Variants in ADIPOR2 observed in about 807,000 individuals in gnomAD.
ADIPOR2 encodes the protein adiponectin receptor 2, also known as adiponectin receptor protein 2.
In ADIPOR2, 18 loss-of-function variants were observed where a neutral mutation model predicts 40.9. That is an observed-to-expected ratio of 0.44 (90% CI 0.30 to 0.65). The LOEUF (loss-of-function observed/expected upper bound fraction) is 0.65, where lower values mean the gene tolerates loss of function less well. Among genes scored for constraint, ADIPOR2 ranks in the 30% least tolerant of loss-of-function variants. ADIPOR2 has a pLI of 0.09. For synonymous variants in ADIPOR2, 165 were observed against 166.4 expected (o/e 0.99, Z 0.06); for missense variants, 283 against 479.2 (o/e 0.59, Z 3.82).
intron 1 of ADIPOR2, among the ~76,000 whole-genome samples, chr12:1,729,330 T>C (rs1274952972): frequency 6.6e-6 from 1 of 152,062 alleles, no homozygotes; most frequent in African/African-American, 2.4e-5. Flanking sequence ...CATAACTTTT[T>C]ATTGTTAAAG....
intron 1 of ADIPOR2, among the ~76,000 whole-genome samples, chr12:1,702,079 G>A (rs146289137): frequency 0.012 from 1,828 of 152,212 alleles, 43 homozygotes; most frequent in African/African-American, 0.042. Context: ...CCGAGATCAC[G>A]CCATTGCACT....
At chr12:1,779,988 T>C (rs1862681279) in intron 4 of ADIPOR2, among the ~76,000 whole-genome samples, 1 of 152,232 alleles carries the variant, frequency 6.6e-6, no homozygotes, top group African/African-American at 2.4e-5. Context: ...TGACACTCCC[T>C]GACAGCTATT....
rs1862559218 is a variant in ADIPOR2 at position 1,774,953 on chromosome 12, TCGGCC to T, written c.291+1993_291+1997del. On this transcript the variant is annotated intron_variant, in intron 3 of 7. Transcript: ENST00000357103. ...CTCCTGACCTCGTGATCTGCCCGCC[TCGGCC>T]TCCCATAGTGCTGGGATTACAGGCA... Among the ~76,000 whole-genome samples the T allele has an allele frequency of 4.3e-5, 2 of 46,584 alleles. 1 individual carries two copies. Among genetic ancestry groups the T allele is most frequent in the Non-Finnish European group, 1.0e-4 (2 of 19,248 alleles). 30.6% of individuals were successfully genotyped at this position (46,584 alleles called of 152,430 possible).
chr12:1,725,733 ATTTG>A (rs1425094109), intron 1 of ADIPOR2, among the ~76,000 whole-genome samples: 1 of 152,188 alleles, frequency 6.6e-6, no homozygotes. Flanking sequence ...TTTACTAAAA[ATTTG>A]TTTTCCATAT....
chr12:1,757,851 G>A (rs11061974), intron 2 of ADIPOR2: 283,793 of 820,586 alleles, frequency 0.35, 52,237 homozygotes, highest in Admixed American at 0.52. Context: ...TCCTGTCAGG[G>A]CTTACTTAAG....
chr12:1,750,878 C>T (rs1035980780), intron 1 of ADIPOR2, among the ~76,000 whole-genome samples: 7 of 151,974 alleles, frequency 4.6e-5, no homozygotes, highest in African/African-American at 1.7e-4. Flanking sequence ...ATATAATCTG[C>T]AAATAGTTAC....
intron 1 of ADIPOR2, among the ~76,000 whole-genome samples, chr12:1,724,729 C>T (rs560188293): frequency 2.1e-4 from 32 of 152,116 alleles, no homozygotes; most frequent in South Asian, 2.1e-3. Flanking sequence ...CTCACTCTGT[C>T]GCCCAGGCTG....
intron 1 of ADIPOR2, among the ~76,000 whole-genome samples, chr12:1,701,489 C>T (rs936932203): frequency 6.6e-6 from 1 of 151,988 alleles, no homozygotes; most frequent in African/African-American, 2.4e-5. Flanking sequence ...CATAGTATTG[C>T]TTTGCATATT....
chr12:1,748,886 G>A lies in ADIPOR2; in HGVS notation c.-86-5372G>A, dbSNP rs75866464. Among the ~76,000 whole-genome samples the A allele has an allele frequency of 3.0e-3, 450 of 151,786 alleles. 4 individuals carry two copies. Among genetic ancestry groups the A allele is most frequent in the African/African-American group, 9.9e-3 (410 of 41,362 alleles). ...GCCTGAGTGTCCTCTAATTCAGTTC[G>A]ACACTATCTCCGGGTCATTGGTGTC... On this transcript the variant is annotated intron_variant, in intron 1 of 7. Transcript: ENST00000357103.
chr12:1,752,820 T>C (rs1291400522), intron 1 of ADIPOR2, among the ~76,000 whole-genome samples: 1 of 152,234 alleles, frequency 6.6e-6, no homozygotes, highest in African/African-American at 2.4e-5. Flanking sequence ...TGTGAATAGC[T>C]TTGTGAGCTT....
chr12:1,699,531 A>C (rs1237267059), intron 1 of ADIPOR2, among the ~76,000 whole-genome samples: 2 of 152,226 alleles, frequency 1.3e-5, no homozygotes, highest in African/African-American at 2.4e-5. Flanking sequence ...ACTGCCTGTA[A>C]TCCCTGCTAC....
chr12:1,750,326 A>G (rs375338953), intron 1 of ADIPOR2, among the ~76,000 whole-genome samples: 10 of 152,076 alleles, frequency 6.6e-5, no homozygotes, highest in South Asian at 6.3e-4. Flanking sequence ...TGGGAGGCCA[A>G]CGTGAGAGGA....
At chr12:1,758,866 A>G (rs1484966302) in intron 2 of ADIPOR2, among the ~76,000 whole-genome samples, 1 of 152,232 alleles carries the variant, frequency 6.6e-6, no homozygotes, top group Admixed American at 6.5e-5. Flanking sequence ...TTGCTTCTCA[A>G]AACTATACTC....
rs373273368 is a variant in ADIPOR2 at position 1,747,374 on chromosome 12, T to C, written c.-86-6884T>C. 5.0e-4 allele frequency among the ~76,000 whole-genome samples: 76 copies of C among 152,220 alleles called. 2 individuals carry two copies. The South Asian group carries it at 0.016, about 31-fold the overall frequency. On this transcript the variant is annotated intron_variant, in intron 1 of 7. Coordinates refer to ENST00000357103, the MANE Select transcript of ADIPOR2 (RefSeq NM_024551.3). ...ATTGGGTCAAAAATCACAAGGTAAA[T>C]TAGAAAATATCGAGACAAAAACACA...
At chr12:1,751,020 T>G (rs951012013) in intron 1 of ADIPOR2, among the ~76,000 whole-genome samples, 11 of 149,276 alleles carry the variant, frequency 7.4e-5, no homozygotes, top group Admixed American at 6.7e-4. Flanking sequence ...CTTGTTTGCT[T>G]TTTTTTTTTT....
intron 1 of ADIPOR2, among the ~76,000 whole-genome samples, chr12:1,721,815 C>T (rs1291260790): frequency 6.6e-6 from 1 of 152,082 alleles, no homozygotes; most frequent in African/African-American, 2.4e-5. Context: ...GAGCATTCTA[C>T]CATAGGGAAC....
At chr12:1,704,008 C>T (rs2094656406) in intron 1 of ADIPOR2, among the ~76,000 whole-genome samples, 1 of 149,064 alleles carries the variant, frequency 6.7e-6, no homozygotes, top group Admixed American at 6.7e-5. Context: ...CCGCTATGCC[C>T]CCACCAGTTT....
At chr12:1,767,452 G>C (rs1862406502) in intron 2 of ADIPOR2, among the ~76,000 whole-genome samples, 1 of 151,756 alleles carries the variant, frequency 6.6e-6, no homozygotes, top group South Asian at 2.1e-4. Context: ...GAGAATACTG[G>C]GTATACATCC....
chr12:1,707,698 CTG>C lies in ADIPOR2; in HGVS notation c.-87+16508_-87+16509del, dbSNP rs566617552. Among the ~76,000 whole-genome samples, 320 of 152,200 alleles carry C rather than the reference CTG, an allele frequency of 2.1e-3. 1 individual carries two copies. Among genetic ancestry groups the C allele is most frequent in the African/African-American group, 7.3e-3 (301 of 41,512 alleles). ...TGTGTGCCCAGGCTGGTCTTTAAATCTGGGGCTCAAGTGATCTTCCCGCCTCA... is the reference window on the plus strand; with the variant it reads ...TGTGTGCCCAGGCTGGTCTTTAAATCGGGCTCAAGTGATCTTCCCGCCTCA... On this transcript the variant is annotated intron_variant, in intron 1 of 7. Coordinates refer to ENST00000357103, the MANE Select transcript of ADIPOR2 (RefSeq NM_024551.3).
Sources: allele counts gnomAD v4.1 joint callset (sites outside exome capture counted in the v4.1 genomes callset), GRCh38; gene constraint gnomAD v4.1.1; transcripts MANE v1.5; gene names NCBI Gene and HGNC (gene_info 2026-07-23, HGNC 2026-07-21).